The following PTPRD variants were observed in gnomAD, a reference collection of about 807,000 sequenced individuals.
The protein encoded by PTPRD is protein tyrosine phosphatase receptor type D, also known as receptor-type tyrosine-protein phosphatase delta.
A neutral mutation model predicts 214.5 loss-of-function variants in PTPRD; 34 were observed. That is an observed-to-expected ratio of 0.16 (90% CI 0.12 to 0.21). The LOEUF (loss-of-function observed/expected upper bound fraction) is 0.21. PTPRD is among the 10% of genes least tolerant of loss of function. The pLI, the probability that PTPRD is intolerant of heterozygous loss-of-function variation, is 1.00. For missense variants in PTPRD, 2,545 were observed against 2,398.7 expected, an observed-to-expected ratio of 1.06 and a Z score of -1.27; for synonymous variants, 1,128 against 845.7, an observed-to-expected ratio of 1.33 and a Z score of -5.79.
intron 3 of PTPRD, among the ~76,000 whole-genome samples, chr9:10,306,294 G>C (rs1373711427): frequency 6.6e-6 from 1 of 151,816 alleles, no homozygotes; most frequent in African/African-American, 2.4e-5. Context: ...GGCTAGGGGA[G>C]GGATAGCATT....
chr9:10,184,609 T>C (rs1405424525), intron 3 of PTPRD, among the ~76,000 whole-genome samples: 1 of 151,974 alleles, frequency 6.6e-6, no homozygotes, highest in Non-Finnish European at 1.5e-5. Flanking sequence ...TAAATAAAGG[T>C]TTTGGTGAAT....
intron 3 of PTPRD, among the ~76,000 whole-genome samples, chr9:10,177,297 A>C (rs1365343921): frequency 6.6e-6 from 1 of 151,732 alleles, no homozygotes; most frequent in East Asian, 1.9e-4. Context: ...GAGAATGATA[A>C]ATTGAAGATG....
intron 44 of PTPRD, among the ~76,000 whole-genome samples, chr9:8,321,741 G>A (rs910898510): frequency 1.3e-5 from 2 of 151,604 alleles, no homozygotes; most frequent in Non-Finnish European, 2.9e-5. Flanking sequence ...CAAATTATGA[G>A]TAAAGATAAA....
chr9:8,806,456 G>C (rs2096683940), intron 11 of PTPRD, among the ~76,000 whole-genome samples: 1 of 151,704 alleles, frequency 6.6e-6, no homozygotes, highest in Admixed American at 6.6e-5. Flanking sequence ...TCTCTTATCA[G>C]CAACACTTCC....
At chr9:9,254,665 A>C (rs774391931) in intron 9 of PTPRD, among the ~76,000 whole-genome samples, 8 of 152,190 alleles carry the variant, frequency 5.3e-5, no homozygotes, top group Middle Eastern at 3.4e-3. Flanking sequence ...TAACATCTGG[A>C]AGCCTTAGAA....
chr9:10,079,496 G>A (rs1022344392), intron 3 of PTPRD, among the ~76,000 whole-genome samples: 8 of 152,048 alleles, frequency 5.3e-5, no homozygotes, highest in African/African-American at 1.9e-4. Flanking sequence ...AAGACCCTTT[G>A]TTTTTCACAT....
intron 5 of PTPRD, among the ~76,000 whole-genome samples, chr9:9,927,483 C>A: frequency 6.6e-6 from 1 of 152,130 alleles, no homozygotes; most frequent in East Asian, 1.9e-4. Flanking sequence ...TTCAGCTTTC[C>A]TCAAGAAGCC....
chr9:8,675,934 G>A (rs2097402863), intron 12 of PTPRD, among the ~76,000 whole-genome samples: 2 of 152,118 alleles, frequency 1.3e-5, no homozygotes, highest in African/African-American at 4.8e-5. Context: ...ACTGCAATGT[G>A]CTCCTGGTCC....
chr9:9,924,128 T>A (rs2083460945), intron 5 of PTPRD, among the ~76,000 whole-genome samples: 1 of 152,012 alleles, frequency 6.6e-6, no homozygotes. Context: ...TAGGAAATAA[T>A]GATTTCACCA....
rs578116093 is a variant in PTPRD, at chr9:8,837,768, T to C, written c.-103-103822A>G. Among the ~76,000 whole-genome samples the C allele has an allele frequency of 7.8e-4, 119 of 152,252 alleles. 2 individuals carry two copies. Among genetic ancestry groups the C allele is most frequent in the African/African-American group, 2.7e-3 (112 of 41,558 alleles). ...TCTCCTGTCTCAGCCTCCCAAAGTG[T>C]TGGGATTACAAGTGTGAGCCACCGC... is the stretch of plus-strand genomic sequence containing the variant. On this transcript the variant is annotated intron_variant, in intron 11 of 45. Coordinates refer to ENST00000381196, the MANE Select transcript of PTPRD (RefSeq NM_002839.4).
At chr9:9,561,581 T>C (rs1380295862) in intron 8 of PTPRD, among the ~76,000 whole-genome samples, 1 of 152,170 alleles carries the variant, frequency 6.6e-6, no homozygotes, top group Non-Finnish European at 1.5e-5. Context: ...ATAAAAAGAA[T>C]AGCCTCTCTC....
chr9:9,118,608 G>T (rs2099814548), intron 10 of PTPRD, among the ~76,000 whole-genome samples: 1 of 152,096 alleles, frequency 6.6e-6, no homozygotes, highest in Admixed American at 6.5e-5. Flanking sequence ...CTTAAAAAAT[G>T]AAAATAAAGT....
intron 7 of PTPRD, among the ~76,000 whole-genome samples, chr9:9,694,987 C>G (rs369133095): frequency 6.6e-6 from 1 of 152,128 alleles, no homozygotes; most frequent in Admixed American, 6.5e-5. Flanking sequence ...GTGTGCAAGA[C>G]AAAGTCTCCT....
intron 6 of PTPRD, among the ~76,000 whole-genome samples, chr9:9,734,854 C>A (rs912209615): frequency 1.3e-5 from 2 of 152,046 alleles, no homozygotes; most frequent in African/African-American, 4.8e-5. Flanking sequence ...TTGGTTAATT[C>A]TTTAAGTTCT....
At chr9:8,555,879 C>G (rs2141003082) in intron 14 of PTPRD, among the ~76,000 whole-genome samples, 1 of 152,246 alleles carries the variant, frequency 6.6e-6, no homozygotes, top group Admixed American at 6.5e-5. Flanking sequence ...GGGTCAAGGT[C>G]CATCTTGGAC....
chr9:10,114,027 A>C (rs1297643660), intron 3 of PTPRD, among the ~76,000 whole-genome samples: 2 of 152,334 alleles, frequency 1.3e-5, no homozygotes. Flanking sequence ...TCAGGAATCT[A>C]CTTTTTAAAT....
chr9:10,253,239 A>T (rs1168474218), intron 3 of PTPRD, among the ~76,000 whole-genome samples: 2 of 152,230 alleles, frequency 1.3e-5, no homozygotes, highest in Non-Finnish European at 2.9e-5. Flanking sequence ...AACAAAAGTG[A>T]CAAATATGTA....
chr9:8,433,481 G>A (rs1351915999), intron 35 of PTPRD, among the ~76,000 whole-genome samples: 2 of 152,194 alleles, frequency 1.3e-5, no homozygotes, highest in Non-Finnish European at 2.9e-5. Flanking sequence ...CATCATAGGA[G>A]ATGACAGCTC....
At chr9:9,991,585 T>C (rs1588346777) in intron 4 of PTPRD, among the ~76,000 whole-genome samples, 1 of 152,132 alleles carries the variant, frequency 6.6e-6, no homozygotes, top group African/African-American at 2.4e-5. Context: ...GGTCTCGAAC[T>C]CCTGAACTCA....
Sources: gnomAD v4.1 joint callset for allele counts (sites outside exome capture counted in the v4.1 genomes callset) on GRCh38, gnomAD v4.1.1 for gene constraint, MANE v1.5 for transcripts, NCBI Gene and HGNC (gene_info 2026-07-23, HGNC 2026-07-21) for gene names.